Variants in UBASH3B observed in about 807,000 individuals in gnomAD.
UBASH3B encodes the protein ubiquitin-associated and SH3 domain-containing protein B.
A neutral mutation model predicts 83.4 loss-of-function variants in UBASH3B; 37 were observed. The ratio of observed to expected loss-of-function variants is 0.44; its 90% CI spans 0.34 to 0.58. UBASH3B has a LOEUF of 0.58. Ranked by LOEUF, UBASH3B falls within the 20% of genes least tolerant of loss-of-function variation. The pLI is 0.01. For synonymous variants in UBASH3B, 304 were observed against 318.3 expected (o/e 0.96, Z 0.48); for missense variants, 657 against 827.2 (o/e 0.79, Z 2.52).
At chr11:122,713,791 C>G (rs1452673527) in intron 1 of UBASH3B, among the ~76,000 whole-genome samples, 1 of 151,498 alleles carries the variant, frequency 6.6e-6, no homozygotes, top group African/African-American at 2.4e-5. Context: ...CCTGAAAATT[C>G]TGATCCAGTA....
intron 13 of UBASH3B, among the ~76,000 whole-genome samples, 196 bp from the exon 14 acceptor site, chr11:122,809,552 TA>T (rs1861402189): frequency 6.8e-6 from 1 of 146,918 alleles, no homozygotes; most frequent in Non-Finnish European, 1.5e-5. Context: ...TCTTGCAATG[TA>T]AATACTCTTC....
chr11:122,659,676 A>G (rs1863410266), intron 1 of UBASH3B, among the ~76,000 whole-genome samples: 1 of 152,260 alleles, frequency 6.6e-6, no homozygotes, highest in African/African-American at 2.4e-5. Flanking sequence ...CCAAAGCCCC[A>G]AAGAGCAGTG....
chr11:122,804,843 T>C (rs930112552), intron 11 of UBASH3B, among the ~76,000 whole-genome samples: 9 of 152,004 alleles, frequency 5.9e-5, no homozygotes, highest in South Asian at 2.1e-4. Context: ...ATAAGAAAAT[T>C]GAAATGACAT....
At chr11:122,809,081 T>TC in intron 13 of UBASH3B, among the ~76,000 whole-genome samples, 1 of 152,034 alleles carries the variant, frequency 6.6e-6, no homozygotes, top group South Asian at 2.1e-4. Flanking sequence ...TTTTCTTTTT[T>TC]CTTTTTTTTT....
intron 3 of UBASH3B, among the ~76,000 whole-genome samples, chr11:122,778,740 G>A (rs1860788216): frequency 6.6e-6 from 1 of 151,984 alleles, no homozygotes. Context: ...AAGTAGCTGG[G>A]ATTATAGGCG....
intron 1 of UBASH3B, among the ~76,000 whole-genome samples, chr11:122,684,368 G>T (rs977572273): frequency 3.9e-5 from 6 of 152,158 alleles, no homozygotes; most frequent in Non-Finnish European, 7.3e-5. Flanking sequence ...CTTCTAGAGA[G>T]CGACAAGCAA....
At chr11:122,656,900 C>T (rs1049833784) in intron 1 of UBASH3B, among the ~76,000 whole-genome samples, 1 of 152,334 alleles carries the variant, frequency 6.6e-6, no homozygotes, top group African/African-American at 2.4e-5. Flanking sequence ...AGCTGTTCTT[C>T]ATCCTTCCTC....
At chr11:122,790,675 G>A (rs1015990230) in intron 6 of UBASH3B, among the ~76,000 whole-genome samples, 8 of 152,036 alleles carry the variant, frequency 5.3e-5, no homozygotes, top group African/African-American at 1.4e-4. Flanking sequence ...GGCCAGGTGC[G>A]GTGGCTCACA....
intron 1 of UBASH3B, among the ~76,000 whole-genome samples, chr11:122,717,046 T>C (rs1860537508): frequency 6.6e-6 from 1 of 152,210 alleles, no homozygotes; most frequent in South Asian, 2.1e-4. Flanking sequence ...AACAAGACTT[T>C]ACTAGCAGCT....
chr11:122,697,267 A>G (rs1386021254), intron 1 of UBASH3B, among the ~76,000 whole-genome samples: 2 of 152,196 alleles, frequency 1.3e-5, no homozygotes, highest in African/African-American at 4.8e-5. Context: ...GTACTTTTAC[A>G]TATGTGATTA....
chr11:122,803,587 A>T (rs1861291109), intron 11 of UBASH3B, among the ~76,000 whole-genome samples: 1 of 152,114 alleles, frequency 6.6e-6, no homozygotes, highest in Non-Finnish European at 1.5e-5. Flanking sequence ...GCTGGGCCAG[A>T]GGAGCAAGGC....
intron 1 of UBASH3B, chr11:122,775,986 G>C: frequency 2.2e-6 from 1 of 455,860 alleles, no homozygotes; most frequent in South Asian, 3.8e-5. Context: ...TGCCTGGGCT[G>C]TCAGACTGCA....
chr11:122,657,161 C>T (rs1007719773), intron 1 of UBASH3B, among the ~76,000 whole-genome samples: 14 of 152,182 alleles, frequency 9.2e-5, no homozygotes, highest in African/African-American at 3.4e-4. Context: ...CCGGACTGGG[C>T]GCAGCTTCTT....
intron 1 of UBASH3B, among the ~76,000 whole-genome samples, chr11:122,664,735 T>A (rs1423569091): frequency 6.6e-6 from 1 of 152,244 alleles, no homozygotes; most frequent in East Asian, 1.9e-4. Context: ...TGGTGAAGTG[T>A]CCTAGATGAA....
intron 1 of UBASH3B, among the ~76,000 whole-genome samples, chr11:122,680,956 C>G (rs895989478): frequency 2.0e-5 from 3 of 151,978 alleles, no homozygotes; most frequent in Non-Finnish European, 4.4e-5. Context: ...TGTGAGCAGC[C>G]GGTCCCAGGG....
intron 1 of UBASH3B, among the ~76,000 whole-genome samples, chr11:122,741,301 G>T (rs1336634136): frequency 1.3e-5 from 2 of 152,062 alleles, no homozygotes; most frequent in African/African-American, 2.4e-5. Context: ...TTTTCAATTG[G>T]ATCTTAAATG....
intron 1 of UBASH3B, among the ~76,000 whole-genome samples, chr11:122,694,953 T>C (rs1863944855): frequency 8.0e-6 from 1 of 124,474 alleles, no homozygotes; most frequent in Non-Finnish European, 1.7e-5. Context: ...TTCTTTTCTT[T>C]CTTTTTTTTT....
chr11:122,767,562 C>T (rs930615449), intron 1 of UBASH3B, among the ~76,000 whole-genome samples: 11 of 152,278 alleles, frequency 7.2e-5, no homozygotes, highest in Non-Finnish European at 1.2e-4. Context: ...CCACCCGCCT[C>T]GGCCTCCCAA....
At chr11:122,740,932 A>G (rs1702466940) in intron 1 of UBASH3B, among the ~76,000 whole-genome samples, 1 of 152,240 alleles carries the variant, frequency 6.6e-6, no homozygotes, top group South Asian at 2.1e-4. Context: ...CATAATGTGT[A>G]CATAAAATGG....
Sources: allele counts gnomAD v4.1 joint callset (sites outside exome capture counted in the v4.1 genomes callset), GRCh38; gene constraint gnomAD v4.1.1; transcripts MANE v1.5; gene names NCBI Gene and HGNC (gene_info 2026-07-23, HGNC 2026-07-21).